The following TBC1D5 variants were observed in gnomAD, a reference collection of about 807,000 sequenced individuals.
The protein encoded by TBC1D5 is TBC1 domain family member 5.
TBC1D5 carries 75 observed loss-of-function variants against 100.3 expected under a neutral mutation model. The observed-to-expected ratio is 0.75, with a 90% CI of 0.62 to 0.91. The LOEUF is 0.91. Ranked by LOEUF, TBC1D5 falls within the 40% of genes least tolerant of loss-of-function variation. The probability of loss-of-function intolerance (pLI) is 0.00; values close to 1 mark genes in which losing one functional copy is unlikely to be tolerated. For synonymous variants in TBC1D5, 323 were observed against 325.6 expected (o/e 0.99, Z 0.09); for missense variants, 910 against 942.4 (o/e 0.97, Z 0.45).
intron 2 of TBC1D5, among the ~76,000 whole-genome samples, chr3:17,615,399 T>G (rs2062061884): frequency 6.6e-6 from 1 of 152,226 alleles, no homozygotes; most frequent in African/African-American, 2.4e-5. Context: ...GCTGGCCTTG[T>G]AAAATGAGTT....
chr3:17,561,377 G>T (rs898761766), intron 2 of TBC1D5, among the ~76,000 whole-genome samples: 4 of 152,050 alleles, frequency 2.6e-5, no homozygotes, highest in African/African-American at 4.8e-5. Flanking sequence ...TTAACACTCT[G>T]CTAAATGTAA....
chr3:17,374,347 G>C (rs2092610298), intron 12 of TBC1D5, 124 bp downstream of exon 12: 1 of 835,482 alleles, frequency 1.2e-6, no homozygotes, highest in East Asian at 2.8e-5. Flanking sequence ...TTATTCCATA[G>C]GTAATTTCAT....
At chr3:17,599,812 T>A (rs536395450) in intron 2 of TBC1D5, among the ~76,000 whole-genome samples, 1 of 152,220 alleles carries the variant, frequency 6.6e-6, no homozygotes, top group Admixed American at 6.5e-5. Context: ...GCCACACCCC[T>A]GTCTAAAGTC....
At chr3:17,257,457 A>G (rs1213974608) in intron 16 of TBC1D5, among the ~76,000 whole-genome samples, 1 of 152,194 alleles carries the variant, frequency 6.6e-6, no homozygotes, top group African/African-American at 2.4e-5. Context: ...TTGTGTAACA[A>G]GACTCAGATG....
At chr3:17,653,817 AAAGT>A (rs1004750226) in intron 1 of TBC1D5, among the ~76,000 whole-genome samples, 1 of 152,134 alleles carries the variant, frequency 6.6e-6, no homozygotes, top group African/African-American at 2.4e-5. Context: ...AAGAAAAAGG[AAAGT>A]AAGAAGGAAA....
chr3:17,375,163 G>A (rs1414964787), intron 10 of TBC1D5, among the ~76,000 whole-genome samples: 1 of 152,026 alleles, frequency 6.6e-6, no homozygotes, highest in Non-Finnish European at 1.5e-5. Flanking sequence ...TGAAGAAGCA[G>A]GTCCAACACA....
chr3:17,563,853 G>C (rs533879606), intron 2 of TBC1D5, among the ~76,000 whole-genome samples: 1 of 152,306 alleles, frequency 6.6e-6, no homozygotes, highest in African/African-American at 2.4e-5. Context: ...CTTGATCTCA[G>C]CTCTCTGCAA....
At position 17,512,363 on chromosome 3, in the gene TBC1D5, CACTT is replaced by C. The variant is rs150831086; in HGVS notation, c.-35-3762_-35-3759del. 3.5e-3 allele frequency among the ~76,000 whole-genome samples: 527 copies of C among 152,060 alleles called. 3 individuals carry two copies. The highest frequency in any genetic ancestry group is 0.012 in the African/African-American group (512 of 41,518). On this transcript the variant is annotated intron_variant, in intron 2 of 21. Transcript: ENST00000253692. ...CTGTAAAAGTCCAGCATAAACATAA[CACTT>C]ACAATGGTTCATTAGACCTCTAAAT...
At chr3:17,651,731 C>T (rs1231535886) in intron 1 of TBC1D5, among the ~76,000 whole-genome samples, 2 of 152,080 alleles carry the variant, frequency 1.3e-5, no homozygotes, top group South Asian at 2.1e-4. Context: ...CATTTCCTCC[C>T]CCACTCCAGG....
chr3:17,569,059 C>T (rs1235939958), intron 2 of TBC1D5, among the ~76,000 whole-genome samples: 3 of 151,854 alleles, frequency 2.0e-5, no homozygotes, highest in Non-Finnish European at 3.0e-5. Context: ...TAGCCATACA[C>T]TGGCAAATAC....
At chr3:17,521,984 CA>C (rs1196733952) in intron 2 of TBC1D5, among the ~76,000 whole-genome samples, 2 of 151,816 alleles carry the variant, frequency 1.3e-5, no homozygotes, top group Admixed American at 6.6e-5. Context: ...ATACATGAGC[CA>C]AAAAGTCTCA....
intron 3 of TBC1D5, among the ~76,000 whole-genome samples, chr3:17,486,366 G>T (rs889719487): frequency 6.6e-6 from 1 of 152,076 alleles, no homozygotes; most frequent in Admixed American, 6.5e-5. Context: ...GTCAATTTTG[G>T]CTTTTGTTGC....
intron 2 of TBC1D5, among the ~76,000 whole-genome samples, chr3:17,590,301 C>T (rs1218914739): frequency 2.6e-5 from 4 of 152,090 alleles, no homozygotes; most frequent in Non-Finnish European, 5.9e-5. Flanking sequence ...TGATTTGGGC[C>T]CACTAAGTAG....
At chr3:17,701,864 C>G (rs2073267844) in intron 1 of TBC1D5, among the ~76,000 whole-genome samples, 1 of 149,136 alleles carries the variant, frequency 6.7e-6, no homozygotes, top group South Asian at 2.1e-4. Flanking sequence ...TTTTTTTTTC[C>G]TAACTAAGAA....
chr3:17,715,016 TAAC>T (rs2075100728), intron 1 of TBC1D5, among the ~76,000 whole-genome samples: 1 of 152,174 alleles, frequency 6.6e-6, no homozygotes, highest in South Asian at 2.1e-4. Flanking sequence ...AAGATAGCAG[TAAC>T]AATAACACTT....
At position 17,469,159 on chromosome 3, in the gene TBC1D5, GA is replaced by G. The variant is rs1039079391; in HGVS notation, c.97+39314del. Among the ~76,000 whole-genome samples, 74 of 150,062 alleles carry G rather than the reference GA, an allele frequency of 4.9e-4. 1 individual carries two copies. Among genetic ancestry groups the G allele is most frequent in the African/African-American group, 1.8e-3 (73 of 40,956 alleles). On this transcript the variant is annotated intron_variant, in intron 3 of 21. Transcript: ENST00000253692. ...GGACTAGAATTAAGTACCAAGAACT[GA>G]AAAAAAAATTATTAAAAAGATACAT...
At chr3:17,457,855 G>C (rs1468085649) in intron 3 of TBC1D5, among the ~76,000 whole-genome samples, 1 of 152,132 alleles carries the variant, frequency 6.6e-6, no homozygotes, top group Non-Finnish European at 1.5e-5. Flanking sequence ...ACAGGGGTTT[G>C]CATCAACATA....
intron 3 of TBC1D5, among the ~76,000 whole-genome samples, chr3:17,455,348 GTATATGTA>G (rs1559923762): frequency 7.7e-6 from 1 of 129,136 alleles, no homozygotes; most frequent in African/African-American, 3.5e-5. Flanking sequence ...ATGTATATAT[GTATATGTA>G]TATGTGTGTA....
At chr3:17,497,442 GA>G (rs2095727716) in intron 3 of TBC1D5, among the ~76,000 whole-genome samples, 1 of 152,168 alleles carries the variant, frequency 6.6e-6, no homozygotes, top group Non-Finnish European at 1.5e-5. Context: ...TTGTATAAAT[GA>G]ATGAACATCA....
Sources: allele counts gnomAD v4.1 joint callset (sites outside exome capture counted in the v4.1 genomes callset), GRCh38; gene constraint gnomAD v4.1.1; transcripts MANE v1.5; gene names NCBI Gene and HGNC (gene_info 2026-07-23, HGNC 2026-07-21).